Variants in POMT2 observed in about 807,000 individuals in gnomAD.
POMT2 encodes protein O-mannosyltransferase 2.
A neutral mutation model predicts 100.0 loss-of-function variants in POMT2; 75 were observed. The observed-to-expected ratio is 0.75, with a 90% CI of 0.62 to 0.91. POMT2 has a LOEUF of 0.91. Among genes scored for constraint, POMT2 ranks in the 40% least tolerant of loss-of-function variants. POMT2 has a pLI of 0.00. For missense variants in POMT2, 940 were observed against 955.1 expected (o/e 0.98, Z 0.21); for synonymous variants, 378 against 374.1 (o/e 1.01, Z -0.12).
chr14:77,287,838 T>A (rs75027021), intron 11 of POMT2: 1 of 152,168 alleles, frequency 6.6e-6, no homozygotes, highest in Non-Finnish European at 1.5e-5. Context: ...TTCATTTAAA[T>A]TCATGTCTTG....
At chr14:77,307,737 A>G (rs1891275176) in intron 2 of POMT2, among the ~76,000 whole-genome samples, 1 of 152,156 alleles carries the variant, frequency 6.6e-6, no homozygotes, top group Non-Finnish European at 1.5e-5. Context: ...CACAGGGGGC[A>G]TGAGGATTAG....
At position 77,283,893 on chromosome 14, in the gene POMT2, G is replaced by C; in HGVS notation, c.1577-20C>G. Reference sequence around the variant, plus strand: ...TTGGCACTAGGGGAAAAAAATGCAGGAGAAAAGCCTTTGTCATACATTCTT... The same window carrying C: ...TTGGCACTAGGGGAAAAAAATGCAGCAGAAAAGCCTTTGTCATACATTCTT... On this transcript the variant is annotated intron_variant, in intron 14 of 20. Coordinates refer to ENST00000261534, the MANE Select transcript of POMT2 (RefSeq NM_013382.7). 6.3e-7 allele frequency: 1 copy of C among 1,579,986 alleles called. No homozygotes were observed. The highest frequency in any genetic ancestry group is 8.7e-7 in the Non-Finnish European group (1 of 1,148,932).
chr14:77,288,670 T>G, intron 11 of POMT2, 92 bp downstream of exon 11: 1 of 1,078,828 alleles, frequency 9.3e-7, no homozygotes. Context: ...GACCAGAGCC[T>G]CATCAAAATC....
At position 77,277,458 on chromosome 14, in the gene POMT2, G is replaced by A. The variant is rs1413994990; in HGVS notation, c.2171C>T (p.Ala724Val). The change falls in exon 21 of 21, where the codon GCT becomes GTT. Residue 724 changes from alanine (A) to valine (V), a missense_variant. Coordinates refer to ENST00000261534, the MANE Select transcript of POMT2 (RefSeq NM_013382.7). ...AYSFYLFHPL[A>V]YGMVGPLAQD... ...GGCCAGGGGACCAACCATCCCGTAA[G>A]CCAGAGGGTGGAAGAGGTAGAAGCT... 1.2e-5 allele frequency: 19 copies of A among 1,613,752 alleles called. No homozygotes were observed. Among genetic ancestry groups the A allele is most frequent in the Non-Finnish European group, 1.5e-5 (18 of 1,179,590 alleles).
In POMT2 at chr14:77,306,449, G is replaced by A; in HGVS notation, c.334-8C>T. The A allele has an allele frequency of 6.2e-7, 1 of 1,611,728 alleles. No homozygotes were observed. The highest frequency in any genetic ancestry group is 8.5e-7 in the Non-Finnish European group (1 of 1,178,052). On this transcript the variant is annotated splice_polypyrimidine_tract_variant and splice_region_variant and intron_variant, in intron 2 of 20. Coordinates refer to ENST00000261534, the MANE Select transcript of POMT2 (RefSeq NM_013382.7). ...AGCAAGACCTATCAGCATCTGAGGA[G>A]AGAAGAACAAACAAAAAGATGAGAA...
At chr14:77,314,655 GCCACTGAATGTCAC>G (rs1891566027) in intron 1 of POMT2, among the ~76,000 whole-genome samples, 1 of 152,190 alleles carries the variant, frequency 6.6e-6, no homozygotes, top group South Asian at 2.1e-4. Flanking sequence ...ATTGAAACAA[GCCACTGAATGTCAC>G]CCTGGTTACT....
At chr14:77,318,734 A>AGG (rs1248360127) in intron 1 of POMT2, among the ~76,000 whole-genome samples, 1 of 113,364 alleles carries the variant, frequency 8.8e-6, no homozygotes, top group Admixed American at 8.9e-5. Flanking sequence ...CATGGTAGTT[A>AGG]ATTTTTTTTT....
intron 15 of POMT2, among the ~76,000 whole-genome samples, chr14:77,281,906 C>T (rs1347957070): frequency 6.6e-6 from 1 of 152,180 alleles, no homozygotes. Context: ...GTTCAGTGGA[C>T]TGCCACCCAG....
chr14:77,280,283 G>A (rs1890167499), intron 16 of POMT2, 109 bp downstream of exon 16: 56 of 1,572,524 alleles, frequency 3.6e-5, no homozygotes, highest in Non-Finnish European at 4.7e-5. Context: ...ACCCATCCCA[G>A]GAGGCCCCTC....
intron 6 of POMT2, chr14:77,300,884 T>A: frequency 1.4e-6 from 1 of 706,524 alleles, no homozygotes; most frequent in Non-Finnish European, 2.3e-6. Context: ...AATGTTAATC[T>A]ATCCTCTCCC....
intron 7 of POMT2, 144 bp from the exon 8 acceptor site, chr14:77,298,915 A>G (rs908829722): frequency 2.4e-6 from 2 of 842,698 alleles, no homozygotes; most frequent in Non-Finnish European, 2.0e-6. Flanking sequence ...GGAGTTGGAG[A>G]AACTGGGGTC....
intron 12 of POMT2, among the ~76,000 whole-genome samples, chr14:77,286,374 A>G (rs1422605436): frequency 6.6e-6 from 1 of 152,262 alleles, no homozygotes; most frequent in East Asian, 1.9e-4. Context: ...GCTAATGAGA[A>G]TTTGGGATCT....
chr14:77,280,102 G>A, intron 16 of POMT2, 22 bp from the exon 17 acceptor site: 1 of 1,613,706 alleles, frequency 6.2e-7, no homozygotes, highest in Non-Finnish European at 8.5e-7. Context: ...AGACCACCCT[G>A]CTGACCCAGG....
intron 1 of POMT2, among the ~76,000 whole-genome samples, chr14:77,314,663 A>T (rs1429672931): frequency 2.0e-5 from 3 of 152,174 alleles, no homozygotes; most frequent in African/African-American, 7.2e-5. Flanking sequence ...AAGCCACTGA[A>T]TGTCACCCTG....
chr14:77,278,649 A>C (rs949874294), intron 19 of POMT2, 80 bp downstream of exon 19: 3 of 1,575,650 alleles, frequency 1.9e-6, no homozygotes, highest in Non-Finnish European at 2.6e-6. Flanking sequence ...CAAGGAGCAG[A>C]GTCACTCCCA....
At chr14:77,286,612 T>TA in intron 12 of POMT2, 132 bp downstream of exon 12, 1 of 1,353,658 alleles carries the variant, frequency 7.4e-7, no homozygotes, top group Non-Finnish European at 1.0e-6. Context: ...GCCCAAATGT[T>TA]AAGAGAGTCC....
chr14:77,291,386 TGG>T lies in POMT2; in HGVS notation c.1117-8_1117-7del. On this transcript the variant is annotated splice_region_variant and splice_polypyrimidine_tract_variant and intron_variant, in intron 9 of 20. Transcript: ENST00000261534. ...TTGTGCAAATAGGTGGTGACCTGGGTGGGGGGTGGGGGCGGAGGGAAGAGGAA... is the reference window on the plus strand; with the variant it reads ...TTGTGCAAATAGGTGGTGACCTGGGTGGGGTGGGGGCGGAGGGAAGAGGAA... The T allele has an allele frequency of 1.9e-6, 1 of 519,666 alleles. No individual in the cohort carries two copies. The highest frequency in any genetic ancestry group is 3.2e-6 in the Non-Finnish European group (1 of 309,886). 32.2% of individuals were successfully genotyped at this position (519,666 alleles called of 1,614,324 possible). A position where few individuals can be genotyped will look rare whatever the true frequency, so the allele number is the denominator to read the frequency against.
chr14:77,278,911 G>A, intron 18 of POMT2, 42 bp from the exon 19 acceptor site: 1 of 1,599,520 alleles, frequency 6.3e-7, no homozygotes, highest in Non-Finnish European at 8.5e-7. Flanking sequence ...ACAAGGAGCG[G>A]GCAGAGATTC....
At chr14:77,309,165 G>A (rs1481233730) in intron 2 of POMT2, among the ~76,000 whole-genome samples, 1 of 152,150 alleles carries the variant, frequency 6.6e-6, no homozygotes, top group African/African-American at 2.4e-5. Flanking sequence ...AAACATACAC[G>A]CTTGTATTTG....
Sources: gnomAD v4.1 joint callset for allele counts (sites outside exome capture counted in the v4.1 genomes callset) on GRCh38, gnomAD v4.1.1 for gene constraint, MANE v1.5 for transcripts, NCBI Gene and HGNC (gene_info 2026-07-23, HGNC 2026-07-21) for gene names.